The following SCRIB variants were observed in gnomAD, a reference collection of about 807,000 sequenced individuals.
SCRIB encodes scribble planar cell polarity protein.
Under a neutral mutation model 170.0 loss-of-function variants are expected in SCRIB, and 72 were observed. The observed-to-expected ratio is 0.42, with a 90% CI of 0.35 to 0.52. SCRIB has a LOEUF of 0.52. Ranked by LOEUF, SCRIB falls within the 20% of genes least tolerant of loss-of-function variation. The pLI is 0.02. For missense variants in SCRIB, 2,475 were observed against 2,338.5 expected, an observed-to-expected ratio of 1.06 and a Z score of -1.20; for synonymous variants, 1,298 against 1,044.3, an observed-to-expected ratio of 1.24 and a Z score of -4.68.
Position 143,809,001 on chromosome 8 carries a change from C to T in SCRIB, c.1723G>A (p.Ala575Thr), listed in dbSNP as rs752702092. 5.7e-5 allele frequency: 92 copies of T among 1,612,508 alleles called. No homozygotes were observed. The highest frequency in any genetic ancestry group is 6.0e-5 in the Non-Finnish European group (71 of 1,179,726). ...QEPTVHFAED[A>T]LLPGDDREIE... ...TCCCTGTCATCCCCGGGCAGCAGTGCGTCCTCTGCGAAATGCACCGTGGGC... is the reference window on the plus strand; with the variant it reads ...TCCCTGTCATCCCCGGGCAGCAGTGTGTCCTCTGCGAAATGCACCGTGGGC... The change falls in exon 15 of 37, where the codon GCA (alanine) becomes ACA (threonine). Residue 575 changes from alanine (A) to threonine (T), a missense_variant. Physicochemically the swap from Ala to Thr is moderately conservative, Grantham distance 58. Coordinates refer to ENST00000356994, the MANE Select transcript of SCRIB (RefSeq NM_182706.5).
intron 24 of SCRIB, among the ~76,000 whole-genome samples, chr8:143,801,465 A>T (rs1417750981): frequency 2.6e-5 from 4 of 152,338 alleles, no homozygotes; most frequent in African/African-American, 9.6e-5. Flanking sequence ...CAAGGAAAAA[A>T]CCAGAATCCA....
At chr8:143,794,299 C>G (rs1456819161) in intron 27 of SCRIB, 6 of 338,138 alleles carry the variant, frequency 1.8e-5, no homozygotes, top group Non-Finnish European at 3.3e-5. Flanking sequence ...TGGGGAGCCC[C>G]TACTTGTGGT....
At chr8:143,796,546 C>T (rs1482946976) in intron 24 of SCRIB, among the ~76,000 whole-genome samples, 3 of 152,162 alleles carry the variant, frequency 2.0e-5, no homozygotes, top group Non-Finnish European at 4.4e-5. Flanking sequence ...AGCAGGCAGA[C>T]GGATGCCGTC....
chr8:143,809,402 C>G, intron 14 of SCRIB, 149 bp downstream of exon 14: 1 of 916,132 alleles, frequency 1.1e-6, no homozygotes, highest in Admixed American at 2.5e-5. Flanking sequence ...CTGCACCACC[C>G]GTAGCCACTC....
At chr8:143,798,204 T>C (rs782706550) in intron 24 of SCRIB, among the ~76,000 whole-genome samples, 15 of 151,736 alleles carry the variant, frequency 9.9e-5, no homozygotes, top group Non-Finnish European at 2.1e-4. Flanking sequence ...TGCAATGAGC[T>C]GAGATCGTGC....
Position 143,808,914 on chromosome 8 carries a change from G to C in SCRIB, c.1810C>G (p.Arg604Gly). 6.2e-7 allele frequency: 1 copy of C among 1,611,130 alleles called. No homozygotes were observed. Among genetic ancestry groups the C allele is most frequent in the Non-Finnish European group, 8.5e-7 (1 of 1,179,976 alleles). Residue 604 changes from arginine to glycine, a missense_variant, in exon 15 of 37, where the codon CGC becomes GGC. By Grantham distance (125) the Arg-to-Gly change is moderately radical. Around this residue, in one of 3 missense-constraint regions of SCRIB, gnomAD observed 1,966 missense variants for 1,742.9 expected, o/e 1.13. Transcript: ENST00000356994. The stretch of plus-strand genomic sequence containing the variant: ...TTTTTGTAGTGAGGTGTGTCCTTGC[G>C]GATGAGCCGCTGCCTCCCGCCTGGC... The part of the protein sequence containing the change: ...TLPGGRQRLI[R>G]KDTPHYKKHF...
At chr8:143,798,773 G>A (rs2130032325) in intron 24 of SCRIB, among the ~76,000 whole-genome samples, 1 of 152,212 alleles carries the variant, frequency 6.6e-6, no homozygotes, top group South Asian at 2.1e-4. Context: ...AGAGGCCACA[G>A]AGCAGCAAAG....
chr8:143,809,790 A>G, intron 13 of SCRIB, 72 bp from the exon 14 acceptor site: 1 of 1,544,172 alleles, frequency 6.5e-7, no homozygotes, highest in Non-Finnish European at 8.8e-7. Flanking sequence ...GATGCCCCCC[A>G]CGTGGCAGGC....
At chr8:143,800,577 C>CAT (rs1378518391) in intron 24 of SCRIB, among the ~76,000 whole-genome samples, 1 of 152,254 alleles carries the variant, frequency 6.6e-6, no homozygotes, top group Non-Finnish European at 1.5e-5. Flanking sequence ...AAAAGCTCGA[C>CAT]ATAAAGATAA....
chr8:143,808,007 G>A (rs1200299235), intron 15 of SCRIB, among the ~76,000 whole-genome samples: 1 of 152,228 alleles, frequency 6.6e-6, no homozygotes, highest in Non-Finnish European at 1.5e-5. Flanking sequence ...TTGAGGGCCA[G>A]GGAGGGACAC....
In SCRIB at chr8:143,793,014, C is replaced by A; in HGVS notation, c.3979G>T (p.Val1327Leu). 1 of 1,512,038 alleles carries A rather than the reference C, an allele frequency of 6.6e-7. No individual in the cohort carries two copies. Among genetic ancestry groups the A allele is most frequent in the Non-Finnish European group, 8.9e-7 (1 of 1,127,960 alleles). 93.7% of individuals were successfully genotyped at this position (1,512,038 alleles called of 1,614,324 possible). A position where few individuals can be genotyped will look rare whatever the true frequency, so the allele number is the denominator to read the frequency against. ...VKQAYRAFAA[V>L]PTSHPPEDAP... ...TCCTCAGGCGGGTGAGAAGTGGGCA[C>A]GGCCGCGAAGGCCCTGTAGGCCTGC... Residue 1327 changes from valine to leucine, a missense_variant, in exon 29 of 37, where the codon GTG becomes TTG. Physicochemically the swap from Val to Leu is conservative, Grantham distance 32. This residue lies in a region of SCRIB where 1,966 missense variants were observed against 1,742.9 expected (regional missense o/e 1.13). Transcript: ENST00000356994.
Position 143,813,372 on chromosome 8 carries a change from G to A in SCRIB, c.506C>T (p.Ser169Phe). 1 of 1,613,604 alleles carries A rather than the reference G, an allele frequency of 6.2e-7. No individual in the cohort carries two copies. The highest frequency in any genetic ancestry group is 8.5e-7 in the Non-Finnish European group (1 of 1,180,022). ...TTCCAGCTTGACCAGAAATGACAGG[G>A]ACCTGCAGAGGAAGCAGGGTGGAGG... The part of the protein sequence containing the change: ...RENLLKSLPA[S>F]LSFLVKLEQL... Residue 169 changes from serine (S) to phenylalanine (F), a missense_variant and splice_region_variant, in exon 6 of 37, where the codon TCC becomes TTC. Coordinates refer to ENST00000356994, the MANE Select transcript of SCRIB (RefSeq NM_182706.5).
chr8:143,809,146 G>A (rs1815584324), intron 14 of SCRIB, 121 bp from the exon 15 acceptor site: 1 of 1,304,778 alleles, frequency 7.7e-7, no homozygotes, highest in Admixed American at 2.6e-5. Context: ...CAAAGACTCA[G>A]CACTAACTGC....
intron 33 of SCRIB, 27 bp downstream of exon 33, chr8:143,791,964 C>G: frequency 6.7e-7 from 1 of 1,487,016 alleles, no homozygotes. Flanking sequence ...GCAGGCTGAC[C>G]CCCCCGACCT....
In SCRIB at chr8:143,815,713, C is replaced by T. The variant is rs977071991; in HGVS notation, c.-341G>A. On this transcript the variant is annotated 5_prime_UTR_variant, in exon 1 of 37. Transcript: ENST00000356994. ...GTGCCGCACCGGAACCGCCGCTGCC[C>T]GCCGGACTGCCCCGCCGACACCCAC... is the stretch of plus-strand genomic sequence containing the variant. 2.0e-6 allele frequency: 2 copies of T among 983,758 alleles called. No homozygotes were observed. The highest frequency in any genetic ancestry group is 2.4e-6 in the Non-Finnish European group (2 of 829,382). 60.9% of individuals were successfully genotyped at this position (983,758 alleles called of 1,614,324 possible).
intron 17 of SCRIB, 31 bp downstream of exon 17, chr8:143,806,893 C>A (rs782334587): frequency 6.8e-7 from 1 of 1,480,750 alleles, no homozygotes; most frequent in East Asian, 2.3e-5. Context: ...AGGCCAGTGG[C>A]AGCGGAAAGG....
At chr8:143,796,138 GGACA>G (rs782274824) in intron 24 of SCRIB, among the ~76,000 whole-genome samples, 5 of 152,182 alleles carry the variant, frequency 3.3e-5, no homozygotes, top group African/African-American at 4.8e-5. Flanking sequence ...GACAGGGCCA[GGACA>G]GGCAGGGGCT....
chr8:143,811,423 G>A (rs999719178), intron 9 of SCRIB, 78 bp from the exon 10 acceptor site: 139 of 1,333,634 alleles, frequency 1.0e-4, no homozygotes, highest in Non-Finnish European at 1.3e-4. Flanking sequence ...TGGCAGGAGG[G>A]CACAGACACC....
intron 28 of SCRIB, 26 bp from the exon 29 acceptor site, chr8:143,793,109 A>C (rs1814780673): frequency 2.3e-6 from 3 of 1,314,254 alleles, no homozygotes; most frequent in East Asian, 5.4e-5. Context: ...CTTGTGAGCT[A>C]TGCTGGGGCA....
Sources: allele counts gnomAD v4.1 joint callset (sites outside exome capture counted in the v4.1 genomes callset), GRCh38; gene constraint gnomAD v4.1.1; regional missense constraint gnomAD v4.1.1; transcripts MANE v1.5; gene names NCBI Gene and HGNC (gene_info 2026-07-23, HGNC 2026-07-21).